Variants in PASD1 observed in about 807,000 individuals in gnomAD.
The protein encoded by PASD1 is circadian clock protein PASD1.
PASD1 carries 13 observed loss-of-function variants against 58.8 expected under a neutral mutation model. The ratio of observed to expected loss-of-function variants is 0.22; its 90% CI spans 0.14 to 0.35. PASD1 has a LOEUF of 0.35. Ranked by LOEUF, PASD1 falls within the 10% of genes least tolerant of loss-of-function variation. PASD1 has a pLI of 1.00. For synonymous variants in PASD1, 236 were observed against 216.7 expected (o/e 1.09, Z -0.78); for missense variants, 734 against 568.3 (o/e 1.29, Z -2.96).
chrX:151,598,890 T>A (rs930516163), intron 1 of PASD1, among the ~76,000 whole-genome samples: 1 of 110,279 alleles, frequency 9.1e-6, no homozygotes, highest in Non-Finnish European at 1.9e-5. Flanking sequence ...GGCAGGGTCA[T>A]AGGACAATAG....
chrX:151,632,555 C>T (rs567315305), intron 8 of PASD1, among the ~76,000 whole-genome samples: 1 of 111,119 alleles, frequency 9.0e-6, no homozygotes, highest in South Asian at 3.9e-4. Flanking sequence ...TAGAGTCATT[C>T]ACCATTATTT....
chrX:151,636,587 A>G (rs2013933576), intron 8 of PASD1, among the ~76,000 whole-genome samples: 1 of 110,796 alleles, frequency 9.0e-6, no homozygotes, highest in Non-Finnish European at 1.9e-5. Flanking sequence ...TATTTTTAGT[A>G]GGGATGGGGT....
At chrX:151,603,018 C>T (rs1043493533) in intron 2 of PASD1, among the ~76,000 whole-genome samples, 6 of 112,620 alleles carry the variant, frequency 5.3e-5, no homozygotes, top group Middle Eastern at 4.2e-3. Context: ...CTTCCTAATA[C>T]CTTCCTAGTA....
chrX:151,660,826 G>A (rs984622053), intron 10 of PASD1, among the ~76,000 whole-genome samples: 2 of 112,304 alleles, frequency 1.8e-5, no homozygotes, highest in East Asian at 2.8e-4. Context: ...AGATAATTTA[G>A]TAGCTTTGTT....
chrX:151,600,570 A>AT (rs201238860), intron 1 of PASD1, among the ~76,000 whole-genome samples: 466 of 106,035 alleles, frequency 4.4e-3, no homozygotes, highest in Non-Finnish European at 7.3e-3. Flanking sequence ...TGGTAGGAGG[A>AT]TTTTTTTTTT....
chrX:151,592,515 A>T (rs1419147874), intron 1 of PASD1, among the ~76,000 whole-genome samples: 1 of 112,265 alleles, frequency 8.9e-6, no homozygotes, highest in African/African-American at 3.2e-5. Flanking sequence ...AAAGATGTAT[A>T]AATGTAATTT....
intron 15 of PASD1, 116 bp downstream of exon 15, chrX:151,674,302 C>T: frequency 1.0e-6 from 1 of 969,308 alleles, no homozygotes; most frequent in Admixed American, 2.6e-5. Context: ...GACTTCAAAG[C>T]TCAGTACATT....
At chrX:151,607,096 A>G (rs1436638304) in intron 3 of PASD1, among the ~76,000 whole-genome samples, 1 of 111,144 alleles carries the variant, frequency 9.0e-6, no homozygotes, top group Non-Finnish European at 1.9e-5. Flanking sequence ...CTTCCCTACT[A>G]TTTCCTGAGT....
chrX:151,671,567 T>G lies in PASD1; in HGVS notation c.1231-6T>G. 8.3e-7 allele frequency: 1 copy of G among 1,209,212 alleles called. No individual in the cohort carries two copies. The highest frequency in any genetic ancestry group is 1.8e-5 in the South Asian group (1 of 56,871). ...ATAAGACCTTTGTGATACTGTGTCC[T>G]TACAGAAGCAGCCAAACACATTACG... is the stretch of plus-strand genomic sequence containing the variant. On this transcript the variant is annotated splice_region_variant and splice_polypyrimidine_tract_variant and intron_variant, in intron 12 of 15. Coordinates refer to ENST00000370357, the MANE Select transcript of PASD1 (RefSeq NM_173493.3).
Position 151,601,573 on chromosome X carries a change from A to C in PASD1, c.20A>C (p.Lys7Thr). 10 of 1,210,818 alleles carry C rather than the reference A, an allele frequency of 8.3e-6. No homozygotes were observed. Among genetic ancestry groups the C allele is most frequent in the Non-Finnish European group, 1.1e-5 (10 of 894,679 alleles). Reference sequence around the variant, plus strand: ...TAATGAATGAAGATGAGAGGGGAAAAGAGAAGAGGTATGCATTCATAACTG... The same window carrying C: ...TAATGAATGAAGATGAGAGGGGAAACGAGAAGAGGTATGCATTCATAACTG... The part of the protein sequence containing the change: MKMRGE[K>T]RRDKVNPKSS... The change falls in exon 2 of 16, where the codon AAG becomes ACG. Residue 7 changes from lysine to threonine, a missense_variant. Lys to Thr is a moderately conservative substitution (Grantham distance 78). Transcript: ENST00000370357.
intron 1 of PASD1, among the ~76,000 whole-genome samples, chrX:151,567,045 AAAATAAATAAAT>A (rs370364202): frequency 5.7e-3 from 543 of 94,945 alleles, no homozygotes; most frequent in African/African-American, 0.016. Context: ...ACTCCGTCTC[AAAATAAATAAAT>A]AAATAAATAA....
At chrX:151,569,295 A>G (rs1384043835) in intron 1 of PASD1, among the ~76,000 whole-genome samples, 1 of 111,816 alleles carries the variant, frequency 8.9e-6, no homozygotes, top group Non-Finnish European at 1.9e-5. Flanking sequence ...TTCTTCATAC[A>G]GGACTTAGGG....
rs1020401613 is a variant in PASD1 at position 151,591,722 on chromosome X, C to T, written c.-27-9805C>T. Among the ~76,000 whole-genome samples, 3 of 111,126 alleles carry T rather than the reference C, an allele frequency of 2.7e-5. No individual in the cohort carries two copies. In the Admixed American group the frequency reaches 2.9e-4, roughly 11 times the overall value. On this transcript the variant is annotated intron_variant, in intron 1 of 15. Transcript: ENST00000370357. ...GTTAGGTGTTTGAGCCTACCTTGCC[C>T]AGTAGGTAAGGAGAGTGGTCAGGTG... is the stretch of plus-strand genomic sequence containing the variant.
In PASD1 at chrX:151,658,595, A is replaced by ATAATGTC. The variant is rs1377616284; in HGVS notation, c.718-1117_718-1111dup. On this transcript the variant is annotated intron_variant, in intron 9 of 15. Transcript: ENST00000370357. ...TCCTCTTAATGAATACCGATTCACC[A>ATAATGTC]TAATGTCATTGTAAGTAATGAAAAG... is the stretch of plus-strand genomic sequence containing the variant. Among the ~76,000 whole-genome samples the ATAATGTC allele has an allele frequency of 3.6e-5, 4 of 112,366 alleles. No individual in the cohort carries two copies. The East Asian group carries it at 1.1e-3, about 31-fold the overall frequency.
intron 9 of PASD1, among the ~76,000 whole-genome samples, chrX:151,653,751 CTTCT>C (rs1246137820): frequency 0.018 from 298 of 16,922 alleles, 14 homozygotes; most frequent in Non-Finnish European, 0.028. Flanking sequence ...TCTTTCCTTC[CTTCT>C]TTCTTTCTTT....
intron 10 of PASD1, among the ~76,000 whole-genome samples, chrX:151,661,852 A>G (rs1186194744): frequency 1.8e-5 from 2 of 111,217 alleles, no homozygotes; most frequent in Non-Finnish European, 3.8e-5. Flanking sequence ...ATTTTTCAAG[A>G]TGAGATTGAG....
At chrX:151,675,622 G>A (rs1235130426) in intron 15 of PASD1, among the ~76,000 whole-genome samples, 2 of 112,072 alleles carry the variant, frequency 1.8e-5, no homozygotes, top group Admixed American at 1.9e-4. Flanking sequence ...GTTAAAGTGG[G>A]CCAAGTAGCT....
chrX:151,601,086 G>A (rs150394602), intron 1 of PASD1, among the ~76,000 whole-genome samples: 1,539 of 112,056 alleles, frequency 0.014, 25 homozygotes, highest in African/African-American at 0.047. Context: ...TTTGTGGCAT[G>A]TACACGCTTG....
chrX:151,625,028 G>A (rs777839185), intron 7 of PASD1, among the ~76,000 whole-genome samples: 2 of 111,926 alleles, frequency 1.8e-5, no homozygotes, highest in South Asian at 7.6e-4. Flanking sequence ...CCAATACCTT[G>A]GTAGCCCTTA....
Sources: allele counts gnomAD v4.1 joint callset (sites outside exome capture counted in the v4.1 genomes callset), GRCh38; gene constraint gnomAD v4.1.1; transcripts MANE v1.5; gene names NCBI Gene and HGNC (gene_info 2026-07-23, HGNC 2026-07-21).